The following MYO1D variants were observed in gnomAD, a reference collection of about 807,000 sequenced individuals.
MYO1D encodes myosin ID, also known as unconventional myosin-Id.
A neutral mutation model predicts 122.0 loss-of-function variants in MYO1D; 83 were observed. The ratio of observed to expected loss-of-function variants is 0.68; its 90% confidence interval spans 0.57 to 0.82. MYO1D has a LOEUF of 0.82. MYO1D is among the 40% of genes least tolerant of loss of function. MYO1D has a pLI of 0.00. For missense variants in MYO1D, 1,157 were observed against 1,269.5 expected (o/e 0.91, Z 1.35); for synonymous variants, 464 against 446.9 (o/e 1.04, Z -0.48).
chr17:32,691,404 CTTTTTT>C (rs57902806), intron 16 of MYO1D, among the ~76,000 whole-genome samples: 2 of 110,460 alleles, frequency 1.8e-5, no homozygotes, highest in Admixed American at 2.0e-4. Context: ...AAAGAAAATT[CTTTTTT>C]TTTTTTTTTT....
intron 1 of MYO1D, among the ~76,000 whole-genome samples, chr17:32,819,847 T>G (rs555269015): frequency 6.6e-6 from 1 of 152,260 alleles, no homozygotes; most frequent in South Asian, 2.1e-4. Context: ...AACTGAGGCA[T>G]AGTGAACTTT....
intron 21 of MYO1D, among the ~76,000 whole-genome samples, chr17:32,515,582 G>A (rs1209279275): frequency 6.6e-6 from 1 of 152,096 alleles, no homozygotes. Context: ...GTGAGCCACT[G>A]TGCCCAGCCT....
intron 21 of MYO1D, among the ~76,000 whole-genome samples, chr17:32,578,208 G>A (rs1189441395): frequency 6.6e-6 from 1 of 152,190 alleles, no homozygotes; most frequent in Non-Finnish European, 1.5e-5. Context: ...CTTTGTTAAT[G>A]GTCCTAAGTT....
At chr17:32,738,502 C>T (rs2089734899) in intron 13 of MYO1D, 117 bp from the exon 14 acceptor site, 2 of 1,050,582 alleles carry the variant, frequency 1.9e-6, no homozygotes, top group South Asian at 5.8e-5. Context: ...AGATTCAACT[C>T]ACAAGGCCTA....
intron 1 of MYO1D, among the ~76,000 whole-genome samples, chr17:32,834,591 T>A (rs868006766): frequency 1.2e-4 from 19 of 152,248 alleles, no homozygotes; most frequent in African/African-American, 4.6e-4. Context: ...TTCCTCATCC[T>A]ACATCATCTG....
intron 1 of MYO1D, among the ~76,000 whole-genome samples, chr17:32,804,022 T>C (rs1036709457): frequency 3.3e-5 from 5 of 152,234 alleles, no homozygotes; most frequent in African/African-American, 4.8e-5. Context: ...CTAGTATTTA[T>C]ATGCAGTCAT....
chr17:32,559,671 ACT>A (rs1219421637), intron 21 of MYO1D, among the ~76,000 whole-genome samples: 1 of 151,788 alleles, frequency 6.6e-6, no homozygotes, highest in Admixed American at 6.6e-5. Context: ...GCTCAATTAA[ACT>A]CTGTTAAATT....
In MYO1D at chr17:32,636,069, CCCA is replaced by C. The variant is rs2088094883; in HGVS notation, c.2709+2650_2709+2652del. 2.6e-5 allele frequency among the ~76,000 whole-genome samples: 4 copies of C among 152,242 alleles called. No homozygotes were observed. In the South Asian group the frequency reaches 8.3e-4, roughly 32 times the overall value. ...CATTTCCTTCAGTGATTCTCTTTTT[CCCA>C]CCATTTAACTGTGGATGTTTTTGAA... On this transcript the variant is annotated intron_variant, in intron 20 of 21. Transcript: ENST00000318217.
chr17:32,715,060 A>C (rs1015293522), intron 15 of MYO1D, among the ~76,000 whole-genome samples: 17 of 152,260 alleles, frequency 1.1e-4, no homozygotes, highest in Non-Finnish European at 2.2e-4. Flanking sequence ...CATATGAAAA[A>C]TAGCTCAACA....
At chr17:32,852,928 T>C (rs776586377) in intron 1 of MYO1D, among the ~76,000 whole-genome samples, 5 of 152,234 alleles carry the variant, frequency 3.3e-5, no homozygotes, top group Non-Finnish European at 5.9e-5. Flanking sequence ...CATATACAGA[T>C]GACTGTAACA....
intron 16 of MYO1D, among the ~76,000 whole-genome samples, chr17:32,705,047 C>A (rs2089289452): frequency 6.6e-6 from 1 of 152,076 alleles, no homozygotes; most frequent in African/African-American, 2.4e-5. Context: ...GATCTTTCTA[C>A]TCATTTCACA....
At chr17:32,677,388 T>C (rs934916019) in intron 16 of MYO1D, among the ~76,000 whole-genome samples, 2 of 152,126 alleles carry the variant, frequency 1.3e-5, no homozygotes, top group Admixed American at 1.3e-4. Flanking sequence ...CTGGATTCTT[T>C]GAAATACAAA....
chr17:32,817,738 A>G (rs896588955), intron 1 of MYO1D, among the ~76,000 whole-genome samples: 1 of 152,234 alleles, frequency 6.6e-6, no homozygotes, highest in African/African-American at 2.4e-5. Flanking sequence ...TAAGTGGTTT[A>G]CGTGCATTAT....
At chr17:32,768,205 G>T (rs972968796) in intron 6 of MYO1D, among the ~76,000 whole-genome samples, 1 of 152,164 alleles carries the variant, frequency 6.6e-6, no homozygotes, top group African/African-American at 2.4e-5. Context: ...ATAATCAGGC[G>T]GTTTATTTTC....
intron 11 of MYO1D, among the ~76,000 whole-genome samples, chr17:32,755,176 G>A (rs538930811): frequency 3.3e-5 from 5 of 152,198 alleles, no homozygotes; most frequent in Admixed American, 6.5e-5. Flanking sequence ...TAGCACATGA[G>A]CAAGGACTCT....
intron 21 of MYO1D, among the ~76,000 whole-genome samples, chr17:32,547,080 T>TC (rs1415931839): frequency 6.6e-6 from 1 of 151,306 alleles, no homozygotes; most frequent in East Asian, 1.9e-4. Flanking sequence ...TAAACATTTT[T>TC]TTTTTTGTAA....
At chr17:32,577,229 C>T (rs1313187841) in intron 21 of MYO1D, among the ~76,000 whole-genome samples, 1 of 140,352 alleles carries the variant, frequency 7.1e-6, no homozygotes, top group Non-Finnish European at 1.6e-5. Flanking sequence ...CCAGCCTGGG[C>T]GACAGAGTGG....
At chr17:32,753,307 T>C (rs1460239421) in intron 11 of MYO1D, among the ~76,000 whole-genome samples, 3 of 152,248 alleles carry the variant, frequency 2.0e-5, no homozygotes, top group Admixed American at 6.5e-5. Flanking sequence ...ATCTGGGTGA[T>C]AGGTAAGCTA....
intron 10 of MYO1D, among the ~76,000 whole-genome samples, chr17:32,756,576 GAA>G (rs778773183): frequency 2.5e-5 from 3 of 120,610 alleles, no homozygotes; most frequent in Admixed American, 8.4e-5. Context: ...ACTTAAAACG[GAA>G]AAAAAAAAAA....
Sources: gnomAD v4.1 joint callset for allele counts (sites outside exome capture counted in the v4.1 genomes callset) on GRCh38, gnomAD v4.1.1 for gene constraint, MANE v1.5 for transcripts, NCBI Gene and HGNC (gene_info 2026-07-23, HGNC 2026-07-21) for gene names.